The following PTH2R variants were observed in gnomAD, a reference collection of about 807,000 sequenced individuals.
The protein encoded by PTH2R is parathyroid hormone 2 receptor, also known as PTH2 receptor.
PTH2R carries 59 observed loss-of-function variants against 60.3 expected under a neutral mutation model. The ratio of observed to expected loss-of-function variants is 0.98; its 90% CI spans 0.79 to 1.22. The LOEUF (loss-of-function observed/expected upper bound fraction) is 1.22, where lower values mean the gene tolerates loss of function less well. Ranked by LOEUF, PTH2R falls within the 50% of genes most tolerant of loss-of-function variation. The pLI, the probability that PTH2R is intolerant of heterozygous loss-of-function variation, is 0.00. For synonymous variants in PTH2R, 256 were observed against 243.8 expected (o/e 1.05, Z -0.47); for missense variants, 749 against 682.6 (o/e 1.10, Z -1.08).
At chr2:208,477,922 C>CTAG (rs368847167) in intron 9 of PTH2R, among the ~76,000 whole-genome samples, 54 of 146,310 alleles carry the variant, frequency 3.7e-4, no homozygotes, top group African/African-American at 1.3e-3. Flanking sequence ...AGCACTACTA[C>CTAG]TAGTACTAGC....
At chr2:208,379,293 A>C (rs566909418) in intron 1 of PTH2R, among the ~76,000 whole-genome samples, 1 of 152,298 alleles carries the variant, frequency 6.6e-6, no homozygotes, top group East Asian at 1.9e-4. Context: ...GTGGGACACA[A>C]AAGAGTCAGG....
chr2:208,465,388 CTTTTTTTTTTTTTTTTTTTTTTT>C (rs60871321), intron 9 of PTH2R, among the ~76,000 whole-genome samples: 2 of 39,904 alleles, frequency 5.0e-5, no homozygotes, highest in Non-Finnish European at 8.3e-5. Context: ...ATTTGTAAGT[CTTTTTTTTTTTTTTTTTTTTTTT>C]TTTTTTTTTG....
chr2:208,369,407 C>A (rs1170675547), intron 1 of PTH2R, among the ~76,000 whole-genome samples: 1 of 148,276 alleles, frequency 6.7e-6, no homozygotes, highest in Non-Finnish European at 1.5e-5. Context: ...CACTCTGTTA[C>A]CCAGGCTGGA....
intron 1 of PTH2R, among the ~76,000 whole-genome samples, chr2:208,393,418 C>T (rs1403980109): frequency 6.6e-6 from 1 of 152,158 alleles, no homozygotes; most frequent in Non-Finnish European, 1.5e-5. Context: ...AGGGTTGGCC[C>T]TGGTCTTCCA....
At chr2:208,414,813 T>C (rs1701606776) in intron 1 of PTH2R, among the ~76,000 whole-genome samples, 2 of 152,160 alleles carry the variant, frequency 1.3e-5, no homozygotes, top group African/African-American at 4.8e-5. Context: ...GTCATGTTGA[T>C]AGCTTGCACT....
chr2:208,469,377 A>G (rs906810156), intron 9 of PTH2R, among the ~76,000 whole-genome samples: 1 of 152,220 alleles, frequency 6.6e-6, no homozygotes, highest in Non-Finnish European at 1.5e-5. Flanking sequence ...GGCTATTATA[A>G]TACTGTAGAT....
At chr2:208,377,633 A>G (rs1323073639) in intron 1 of PTH2R, among the ~76,000 whole-genome samples, 4 of 150,076 alleles carry the variant, frequency 2.7e-5, no homozygotes, top group Non-Finnish European at 5.9e-5. Context: ...GCTGCTGGGC[A>G]GAGGGGCTCC....
intron 8 of PTH2R, among the ~76,000 whole-genome samples, chr2:208,459,100 A>G (rs538706086): frequency 6.6e-6 from 1 of 152,122 alleles, no homozygotes; most frequent in East Asian, 1.9e-4. Flanking sequence ...TTTTCTCTCT[A>G]ACCTCACCAG....
chr2:208,370,588 C>A (rs1379949098), intron 1 of PTH2R, among the ~76,000 whole-genome samples: 1 of 150,986 alleles, frequency 6.6e-6, no homozygotes, highest in Non-Finnish European at 1.5e-5. Flanking sequence ...CCAGTGTGTT[C>A]AGATTTTTCT....
At chr2:208,435,247 C>T (rs1248205823) in intron 2 of PTH2R, among the ~76,000 whole-genome samples, 2 of 152,096 alleles carry the variant, frequency 1.3e-5, no homozygotes, top group Non-Finnish European at 2.9e-5. Flanking sequence ...TAACTGGTAA[C>T]TAAAAAATTG....
intron 1 of PTH2R, among the ~76,000 whole-genome samples, chr2:208,408,635 A>G (rs191715879): frequency 2.8e-4 from 43 of 151,724 alleles, no homozygotes; most frequent in Admixed American, 2.6e-3. Context: ...GCTCTGAGCT[A>G]TGATCATGCC....
chr2:208,449,272 C>T (rs1702351820), intron 7 of PTH2R, among the ~76,000 whole-genome samples: 1 of 152,178 alleles, frequency 6.6e-6, no homozygotes, highest in Admixed American at 6.5e-5. Context: ...TTCTTCATAG[C>T]ACCAATTCAT....
chr2:208,489,539 G>C (rs908871847), intron 11 of PTH2R, among the ~76,000 whole-genome samples: 1 of 152,138 alleles, frequency 6.6e-6, no homozygotes, highest in Non-Finnish European at 1.5e-5. Context: ...ACAAAACTGA[G>C]GAAGAGGTTG....
chr2:208,410,118 G>A (rs1320908279), intron 1 of PTH2R, among the ~76,000 whole-genome samples: 1 of 152,170 alleles, frequency 6.6e-6, no homozygotes, highest in African/African-American at 2.4e-5. Flanking sequence ...TGACCTTCCA[G>A]CATGAAGATT....
At chr2:208,407,383 C>G (rs553448490) in intron 1 of PTH2R, among the ~76,000 whole-genome samples, 2 of 152,288 alleles carry the variant, frequency 1.3e-5, no homozygotes, top group Admixed American at 6.5e-5. Flanking sequence ...GGGATATTTC[C>G]GAACAGCGGA....
chr2:208,393,714 A>G (rs1701151388), intron 1 of PTH2R, among the ~76,000 whole-genome samples: 1 of 152,208 alleles, frequency 6.6e-6, no homozygotes, highest in Admixed American at 6.5e-5. Flanking sequence ...CAAACACCTG[A>G]GTTAAATTTT....
chr2:208,400,547 G>A (rs1701288988), intron 1 of PTH2R, among the ~76,000 whole-genome samples: 1 of 152,122 alleles, frequency 6.6e-6, no homozygotes, highest in South Asian at 2.1e-4. Flanking sequence ...GGATCACTAA[G>A]GGATGGTTCA....
intron 9 of PTH2R, among the ~76,000 whole-genome samples, chr2:208,470,735 T>C (rs756403872): frequency 3.0e-4 from 46 of 152,220 alleles, no homozygotes; most frequent in Non-Finnish European, 6.5e-4. Context: ...AGTGGGGCAC[T>C]GCTGAGAAGA....
intron 1 of PTH2R, among the ~76,000 whole-genome samples, chr2:208,382,185 C>T (rs74840573): frequency 0.062 from 9,394 of 151,846 alleles, 698 homozygotes; most frequent in African/African-American, 0.17. Flanking sequence ...TAGTATATTA[C>T]ATTGTGTAGA....
Sources: allele counts gnomAD v4.1 joint callset (sites outside exome capture counted in the v4.1 genomes callset), GRCh38; gene constraint gnomAD v4.1.1; transcripts MANE v1.5; gene names NCBI Gene and HGNC (gene_info 2026-07-23, HGNC 2026-07-21).